RPA3: variants seen among roughly 807,000 people sequenced by gnomAD.
RPA3 encodes the protein replication protein A 14 kDa subunit.
In RPA3, 24 loss-of-function variants were observed where a neutral mutation model predicts 13.7. The ratio of observed to expected loss-of-function variants is 1.75; its 90% CI spans 1.27 to 2.46. The LOEUF is 2.46. Ranked by LOEUF, RPA3 falls within the 30% of genes most tolerant of loss-of-function variation. The pLI, the probability that RPA3 is intolerant of heterozygous loss-of-function variation, is 0.00. For synonymous variants in RPA3, 59 were observed against 51.2 expected, an observed-to-expected ratio of 1.15 and a Z score of -0.65; for missense variants, 183 against 151.0, an observed-to-expected ratio of 1.21 and a Z score of -1.11.
chr7:7,700,124 T>C (rs1432822001), intron 2 of RPA3, among the ~76,000 whole-genome samples: 2 of 152,062 alleles, frequency 1.3e-5, no homozygotes, highest in Non-Finnish European at 2.9e-5. Flanking sequence ...ACAATAGAAA[T>C]GTATTTCTCA....
chr7:7,709,798 A>T (rs980387144), intron 2 of RPA3, among the ~76,000 whole-genome samples: 1 of 152,094 alleles, frequency 6.6e-6, no homozygotes, highest in African/African-American at 2.4e-5. Context: ...TTTTTAAATA[A>T]TGAGAACATA....
At chr7:7,681,089 A>G (rs1239256641) in intron 4 of RPA3, among the ~76,000 whole-genome samples, 1 of 152,224 alleles carries the variant, frequency 6.6e-6, no homozygotes, top group African/African-American at 2.4e-5. Context: ...GTAAAAACTT[A>G]TAAACATGAT....
chr7:7,637,627 TTGTA>T lies in RPA3; in HGVS notation c.283+233_283+236del, dbSNP rs375291207. 1.5e-3 allele frequency among the ~76,000 whole-genome samples: 233 copies of T among 151,114 alleles called. 4 individuals are homozygous for T. The East Asian group carries it at 0.027, about 17-fold the overall frequency. On this transcript the variant is annotated intron_variant, in intron 7 of 7. Coordinates refer to ENST00000223129, the MANE Select transcript of RPA3 (RefSeq NM_002947.5). ...GTAATTGTATGTAATACATACAATT[TTGTA>T]TGTAATACAAAATGTATGTTAAAAC...
intron 7 of RPA3, among the ~76,000 whole-genome samples, 165 bp downstream of exon 7, chr7:7,637,699 T>C (rs1008691357): frequency 2.6e-5 from 4 of 151,762 alleles, no homozygotes; most frequent in Admixed American, 1.3e-4. Flanking sequence ...CATACAGTTA[T>C]ATAAAACTGT....
chr7:7,688,251 G>A (rs1486292420), intron 2 of RPA3, among the ~76,000 whole-genome samples: 2 of 152,168 alleles, frequency 1.3e-5, no homozygotes, highest in African/African-American at 2.4e-5. Context: ...TCCTTGGGCT[G>A]TGATTTCTTA....
At chr7:7,689,133 C>T (rs1780111233) in intron 2 of RPA3, among the ~76,000 whole-genome samples, 1 of 152,100 alleles carries the variant, frequency 6.6e-6, no homozygotes, top group South Asian at 2.1e-4. Flanking sequence ...CTAAGCCAGT[C>T]ACGGTAGTCT....
chr7:7,670,395 C>A (rs1779576912), intron 4 of RPA3, among the ~76,000 whole-genome samples: 1 of 152,124 alleles, frequency 6.6e-6, no homozygotes. Context: ...TGGCATGTGG[C>A]ACAGTGAACA....
At chr7:7,656,592 T>C (rs1325505869) in intron 4 of RPA3, among the ~76,000 whole-genome samples, 1 of 152,202 alleles carries the variant, frequency 6.6e-6, no homozygotes, top group Non-Finnish European at 1.5e-5. Flanking sequence ...TTGTGTTTGT[T>C]TGCTGAGAAT....
chr7:7,676,796 G>C (rs1313535410), intron 4 of RPA3, among the ~76,000 whole-genome samples: 2 of 152,096 alleles, frequency 1.3e-5, no homozygotes, highest in African/African-American at 2.4e-5. Context: ...TCCTTCAGTG[G>C]TGAAGAACTT....
intron 2 of RPA3, among the ~76,000 whole-genome samples, chr7:7,698,654 C>G (rs1167498178): frequency 6.6e-6 from 1 of 152,086 alleles, no homozygotes. Context: ...GTGGGTGCTA[C>G]AGCCTCAGCT....
At chr7:7,639,945 A>T in intron 5 of RPA3, 1 of 242,940 alleles carries the variant, frequency 4.1e-6, no homozygotes, top group South Asian at 4.3e-5. Flanking sequence ...TTGCAAAAAT[A>T]AGTAATTTCA....
At chr7:7,650,715 C>T (rs1324965229) in intron 4 of RPA3, among the ~76,000 whole-genome samples, 1 of 152,200 alleles carries the variant, frequency 6.6e-6, no homozygotes, top group Non-Finnish European at 1.5e-5. Context: ...ATTTACTAAT[C>T]CAGCCATTCT....
chr7:7,690,394 T>C (rs745561358), intron 2 of RPA3, among the ~76,000 whole-genome samples: 67 of 152,142 alleles, frequency 4.4e-4, no homozygotes, highest in Non-Finnish European at 8.5e-4. Context: ...ACCAAGTATA[T>C]ATTATGTTTT....
At chr7:7,691,882 C>T (rs1780180024) in intron 2 of RPA3, among the ~76,000 whole-genome samples, 1 of 152,144 alleles carries the variant, frequency 6.6e-6, no homozygotes, top group Admixed American at 6.6e-5. Context: ...TTTTATCTGG[C>T]TAGTAGCTCA....
At chr7:7,655,819 G>GTC (rs146375851) in intron 4 of RPA3, among the ~76,000 whole-genome samples, 56,131 of 150,156 alleles carry the variant, frequency 0.37, 11,260 homozygotes, top group East Asian at 0.8. Context: ...ATTTAGGACA[G>GTC]TCTCTCTCTC....
At chr7:7,644,396 A>G (rs537964868) in intron 4 of RPA3, among the ~76,000 whole-genome samples, 1 of 150,234 alleles carries the variant, frequency 6.7e-6, no homozygotes, top group Non-Finnish European at 1.5e-5. Context: ...AATATAGTTA[A>G]ACATTTTCCC....
At chr7:7,714,673 A>T (rs1426210272) in intron 2 of RPA3, among the ~76,000 whole-genome samples, 2 of 152,094 alleles carry the variant, frequency 1.3e-5, no homozygotes, top group Non-Finnish European at 2.9e-5. Context: ...CATAAGAAAG[A>T]CTTAGAACTC....
intron 4 of RPA3, among the ~76,000 whole-genome samples, chr7:7,642,677 C>G (rs1049240378): frequency 6.6e-6 from 1 of 152,020 alleles, no homozygotes; most frequent in Non-Finnish European, 1.5e-5. Flanking sequence ...TATAGCTAGC[C>G]GATTTGCATA....
At chr7:7,684,584 C>T (rs28915973) in intron 4 of RPA3, among the ~76,000 whole-genome samples, 7,700 of 152,110 alleles carry the variant, frequency 0.051, 243 homozygotes, top group Middle Eastern at 0.12. Context: ...CTCATGGATA[C>T]GGAGGGCTGA....
Sources: gnomAD v4.1 joint callset for allele counts (sites outside exome capture counted in the v4.1 genomes callset) on GRCh38, gnomAD v4.1.1 for gene constraint, MANE v1.5 for transcripts, NCBI Gene and HGNC (gene_info 2026-07-23, HGNC 2026-07-21) for gene names.